Variants in FRMD4A observed in about 807,000 individuals in gnomAD.
The protein encoded by FRMD4A is FERM domain-containing protein 4A.
Under a neutral mutation model 129.1 loss-of-function variants are expected in FRMD4A, and 29 were observed. That is an observed-to-expected ratio of 0.22 (90% confidence interval 0.17 to 0.31). The LOEUF (loss-of-function observed/expected upper bound fraction) is 0.31, where lower values mean the gene tolerates loss of function less well. Among genes scored for constraint, FRMD4A ranks in the 10% least tolerant of loss-of-function variants. FRMD4A has a pLI of 1.00. For missense variants in FRMD4A, 1,272 were observed against 1,375.8 expected (o/e 0.92, Z 1.19); for synonymous variants, 634 against 571.6 (o/e 1.11, Z -1.56).
At chr10:14,250,589 C>A (rs1564417543) in intron 2 of FRMD4A, among the ~76,000 whole-genome samples, 1 of 152,234 alleles carries the variant, frequency 6.6e-6, no homozygotes, top group Non-Finnish European at 1.5e-5. Context: ...GTAAACCTCT[C>A]AGCCATATGT....
chr10:14,068,537 T>C (rs11258851), intron 2 of FRMD4A, among the ~76,000 whole-genome samples: 11,808 of 152,286 alleles, frequency 0.078, 508 homozygotes, highest in African/African-American at 0.095. Context: ...CTGTATTAAG[T>C]AGTTGTACTT....
intron 2 of FRMD4A, among the ~76,000 whole-genome samples, chr10:14,239,895 T>G (rs1011672769): frequency 7.9e-5 from 12 of 152,226 alleles, no homozygotes; most frequent in Non-Finnish European, 1.0e-4. Context: ...GCCAATCCAT[T>G]CAAAGAATAG....
intron 4 of FRMD4A, among the ~76,000 whole-genome samples, chr10:13,809,649 G>C (rs570522580): frequency 7.2e-5 from 11 of 152,060 alleles, no homozygotes; most frequent in Non-Finnish European, 1.6e-4. Context: ...TTCCCTGCAG[G>C]CTCCAGGACG....
chr10:14,216,147 CA>C (rs1843069042), intron 2 of FRMD4A, among the ~76,000 whole-genome samples: 1 of 152,104 alleles, frequency 6.6e-6, no homozygotes. Context: ...GTGATTATTC[CA>C]AAATTCCGTC....
intron 2 of FRMD4A, among the ~76,000 whole-genome samples, chr10:14,290,115 T>G (rs1564443760): frequency 6.6e-6 from 1 of 152,062 alleles, no homozygotes; most frequent in South Asian, 2.1e-4. Context: ...AGACATCTTG[T>G]GTTTATGGCC....
At chr10:14,221,309 G>A (rs764518654) in intron 2 of FRMD4A, among the ~76,000 whole-genome samples, 3 of 152,188 alleles carry the variant, frequency 2.0e-5, no homozygotes, top group Non-Finnish European at 2.9e-5. Flanking sequence ...TCCATCTGTG[G>A]AGGGTAGAGA....
chr10:14,329,650 T>C (rs1263641502), intron 2 of FRMD4A, among the ~76,000 whole-genome samples: 1 of 152,180 alleles, frequency 6.6e-6, no homozygotes, highest in East Asian at 1.9e-4. Flanking sequence ...GACCCCATTC[T>C]GTCACCCCAT....
chr10:14,228,714 C>G (rs1843533443), intron 2 of FRMD4A, among the ~76,000 whole-genome samples: 2 of 151,884 alleles, frequency 1.3e-5, no homozygotes, highest in South Asian at 4.2e-4. Flanking sequence ...TGAGTTAAAG[C>G]AGATTAGGTT....
At chr10:13,707,526 G>A in intron 12 of FRMD4A, 1 of 1,005,208 alleles carries the variant, frequency 9.9e-7, no homozygotes, top group Non-Finnish European at 1.2e-6. Context: ...AGGAGCGAGC[G>A]CTCAGGAGGG....
intron 2 of FRMD4A, among the ~76,000 whole-genome samples, chr10:14,131,396 G>GCCCCCC (rs145039808): frequency 4.0e-5 from 6 of 148,926 alleles, no homozygotes; most frequent in African/African-American, 1.5e-4. Flanking sequence ...AACTCACTGT[G>GCCCCCC]CCCCCCCCGG....
At chr10:14,023,213 G>C (rs1300729210) in intron 2 of FRMD4A, among the ~76,000 whole-genome samples, 2 of 152,060 alleles carry the variant, frequency 1.3e-5, no homozygotes, top group African/African-American at 4.8e-5. Flanking sequence ...CTTCCAACAC[G>C]AAGGTCAGAA....
chr10:14,038,930 T>C (rs895239149), intron 2 of FRMD4A, among the ~76,000 whole-genome samples: 3 of 152,194 alleles, frequency 2.0e-5, no homozygotes, highest in African/African-American at 7.2e-5. Flanking sequence ...GATAATAATA[T>C]CAACCTTCAG....
chr10:13,781,625 G>A (rs570525350), intron 6 of FRMD4A, among the ~76,000 whole-genome samples: 28 of 152,130 alleles, frequency 1.8e-4, no homozygotes, highest in Admixed American at 1.0e-3. Context: ...TGATCCGCCT[G>A]CCTCGGCCTC....
At chr10:14,191,675 G>A (rs767288659) in intron 2 of FRMD4A, among the ~76,000 whole-genome samples, 3 of 152,200 alleles carry the variant, frequency 2.0e-5, no homozygotes, top group African/African-American at 2.4e-5. Flanking sequence ...CTATAGGGCC[G>A]TTGAAATCTA....
chr10:14,020,319 C>G (rs997069627), intron 2 of FRMD4A, among the ~76,000 whole-genome samples: 12 of 152,160 alleles, frequency 7.9e-5, no homozygotes, highest in African/African-American at 2.2e-4. Flanking sequence ...CTTGCAGAAG[C>G]CTTGCATTCC....
At chr10:13,714,722 C>G (rs1219815428) in intron 12 of FRMD4A, among the ~76,000 whole-genome samples, 1 of 152,062 alleles carries the variant, frequency 6.6e-6, no homozygotes, top group Non-Finnish European at 1.5e-5. Context: ...GTTTCTGTAC[C>G]AGGCTTTACA....
intron 2 of FRMD4A, among the ~76,000 whole-genome samples, chr10:14,181,378 C>T (rs543032000): frequency 6.6e-6 from 1 of 152,230 alleles, no homozygotes; most frequent in African/African-American, 2.4e-5. Flanking sequence ...CAGATCGCTG[C>T]CCCGTGTTTG....
At chr10:14,021,927 G>A (rs866070123) in intron 2 of FRMD4A, among the ~76,000 whole-genome samples, 14 of 152,194 alleles carry the variant, frequency 9.2e-5, no homozygotes, top group South Asian at 2.1e-4. Context: ...GGTAAGAAAT[G>A]CATGCAATCA....
At chr10:14,067,182 G>T (rs910482881) in intron 2 of FRMD4A, among the ~76,000 whole-genome samples, 1 of 151,972 alleles carries the variant, frequency 6.6e-6, no homozygotes, top group Non-Finnish European at 1.5e-5. Context: ...TGGGCGTGGT[G>T]GCGGGTGCCT....
Sources: allele counts gnomAD v4.1 joint callset (sites outside exome capture counted in the v4.1 genomes callset), GRCh38; gene constraint gnomAD v4.1.1; transcripts MANE v1.5; gene names NCBI Gene and HGNC (gene_info 2026-07-23, HGNC 2026-07-21).